The following CD8B2 variants were observed in gnomAD, a reference collection of about 807,000 sequenced individuals.
CD8B2 encodes CD8B family member 2.
CD8B2 carries 11 observed loss-of-function variants against 23.7 expected under a neutral mutation model. The ratio of observed to expected loss-of-function variants is 0.46; its 90% CI spans 0.29 to 0.77. The LOEUF is 0.77. CD8B2 is among the 30% of genes least tolerant of loss of function. The pLI, the probability that CD8B2 is intolerant of heterozygous loss-of-function variation, is 0.09. For synonymous variants in CD8B2, 90 were observed against 109.3 expected (o/e 0.82, Z 1.10); for missense variants, 197 against 270.5 (o/e 0.73, Z 1.91).
downstream of CD8B2, among the ~76,000 whole-genome samples, chr2:106,511,551 C>A (rs1418879793): frequency 1.3e-5 from 2 of 151,138 alleles, no homozygotes; most frequent in African/African-American, 4.9e-5. Context: ...TCCCTTTCAT[C>A]CTTACTCATC....
At chr2:106,492,379 T>G (rs897427695) in intron 2 of CD8B2, among the ~76,000 whole-genome samples, 1 of 150,986 alleles carries the variant, frequency 6.6e-6, no homozygotes, top group Non-Finnish European at 1.5e-5. Flanking sequence ...TAACTCAATT[T>G]ATTAACTATA....
chr2:106,514,980 G>T (rs1350525731), downstream of CD8B2, among the ~76,000 whole-genome samples: 1 of 152,206 alleles, frequency 6.6e-6, no homozygotes, highest in Non-Finnish European at 1.5e-5. Flanking sequence ...TGTGGCCAAG[G>T]GCACACAGGT....
chr2:106,494,039 G>C (rs1416027562), intron 2 of CD8B2, among the ~76,000 whole-genome samples: 1 of 152,294 alleles, frequency 6.6e-6, no homozygotes, highest in South Asian at 2.1e-4. Context: ...CCGCTTTCCA[G>C]AGGAGGCTCA....
intron 5 of CD8B2, among the ~76,000 whole-genome samples, chr2:106,527,730 C>A (rs1325980629): frequency 6.6e-6 from 1 of 152,164 alleles, no homozygotes; most frequent in African/African-American, 2.4e-5. Flanking sequence ...TTGCAGTGAG[C>A]CGATATTGCA....
intron 3 of CD8B2, among the ~76,000 whole-genome samples, chr2:106,496,491 C>T (rs1679303384): frequency 6.6e-6 from 1 of 152,192 alleles, no homozygotes; most frequent in South Asian, 2.1e-4. Flanking sequence ...GAGATCTCCA[C>T]CCACACCCCT....
chr2:106,516,572 T>C (rs1385285179), intron 5 of CD8B2, among the ~76,000 whole-genome samples: 1 of 152,212 alleles, frequency 6.6e-6, no homozygotes. Flanking sequence ...ATGAGAAGTA[T>C]AAATATTGTC....
chr2:106,492,583 C>T (rs550595546), intron 2 of CD8B2, among the ~76,000 whole-genome samples: 5 of 152,326 alleles, frequency 3.3e-5, no homozygotes, highest in Admixed American at 6.5e-5. Context: ...TGGTAACTCT[C>T]ACAGCCTGCC....
At chr2:106,488,498 G>T (rs1469919102) in intron 1 of CD8B2, among the ~76,000 whole-genome samples, 1 of 152,114 alleles carries the variant, frequency 6.6e-6, no homozygotes, top group Non-Finnish European at 1.5e-5. Context: ...TCACAGCCCA[G>T]GCCTTGCTCT....
intron 1 of CD8B2, among the ~76,000 whole-genome samples, chr2:106,489,160 G>A (rs1438960998): frequency 1.5e-5 from 2 of 134,906 alleles, no homozygotes; most frequent in African/African-American, 5.6e-5. Flanking sequence ...GCGCCATCAT[G>A]CCTGGATAAT....
intron 5 of CD8B2, among the ~76,000 whole-genome samples, chr2:106,526,480 C>T (rs996931566): frequency 3.3e-5 from 5 of 152,152 alleles, no homozygotes; most frequent in Non-Finnish European, 7.4e-5. Flanking sequence ...ATAGATTTGC[C>T]TGTCGTAGAC....
At chr2:106,513,941 C>T (rs1032933435), downstream of CD8B2, among the ~76,000 whole-genome samples, 3 of 152,092 alleles carry the variant, frequency 2.0e-5, no homozygotes, top group African/African-American at 7.2e-5. Flanking sequence ...GGGTGGCTTC[C>T]ACAAGACAAG....
intron 1 of CD8B2, 105 bp downstream of exon 1, chr2:106,487,574 G>C (rs1352845452): frequency 1.5e-6 from 1 of 687,652 alleles, no homozygotes; most frequent in East Asian, 3.4e-5. Context: ...GTGCAGCGTC[G>C]AGCCCGCGGT....
chr2:106,507,087 T>C lies in CD8B2; in HGVS notation c.*147T>C. ...CTGCTTTTCACTGCTGCAAGGCCTT[T>C]CTGTGTGTGACGTGCATGGGAGCAA... On this transcript the variant is annotated 3_prime_UTR_variant, in exon 6 of 6. Transcript: ENST00000643224. The C allele has an allele frequency of 6.6e-7, 1 of 1,516,310 alleles. No homozygotes were observed. Among genetic ancestry groups the C allele is most frequent in the South Asian group, 1.4e-5 (1 of 73,590 alleles). The allele number at this position is 1,516,310 out of a possible 1,614,324, so 93.9% of individuals were successfully genotyped here.
At chr2:106,489,501 C>G (rs1249954132) in intron 1 of CD8B2, among the ~76,000 whole-genome samples, 9 of 152,224 alleles carry the variant, frequency 5.9e-5, no homozygotes, top group Middle Eastern at 3.4e-3. Flanking sequence ...CCTCTGCCCC[C>G]CTCTGCCTAC....
chr2:106,498,071 C>T (rs1317252038), intron 3 of CD8B2, among the ~76,000 whole-genome samples: 9 of 152,248 alleles, frequency 5.9e-5, no homozygotes, highest in South Asian at 2.1e-4. Flanking sequence ...AGCTGAATGA[C>T]GGCAAACTCA....
chr2:106,509,307 A>C lies in CD8B2; in HGVS notation c.*2367A>C, dbSNP rs1253767440. On this transcript the variant is annotated 3_prime_UTR_variant, in exon 6 of 6. Coordinates refer to ENST00000643224, the MANE Select transcript of CD8B2 (RefSeq NM_001349727.2). ...TTCCAAGGCTGAGGGGAGGGGTGAA[A>C]GAATTGGGGTCAGCTGGACCAGACT... 3.3e-5 allele frequency: 5 copies of C among 151,970 alleles called. No individual in the cohort carries two copies. The highest frequency in any genetic ancestry group is 2.9e-5 in the Non-Finnish European group (2 of 67,992). 9.4% of individuals were successfully genotyped at this position (151,970 alleles called of 1,614,324 possible).
At chr2:106,524,667 C>T (rs896375426) in intron 5 of CD8B2, among the ~76,000 whole-genome samples, 2 of 152,190 alleles carry the variant, frequency 1.3e-5, no homozygotes, top group Non-Finnish European at 2.9e-5. Flanking sequence ...GCTGCTGCTG[C>T]TTCAGAAGTA....
downstream of CD8B2, among the ~76,000 whole-genome samples, chr2:106,513,740 A>T (rs1289557747): frequency 6.6e-6 from 1 of 152,078 alleles, no homozygotes; most frequent in Non-Finnish European, 1.5e-5. Flanking sequence ...CCTCAGCCTC[A>T]GCCAAGTTTG....
chr2:106,500,278 G>A (rs1256015496), intron 3 of CD8B2, among the ~76,000 whole-genome samples: 1 of 138,130 alleles, frequency 7.2e-6, no homozygotes, highest in Non-Finnish European at 1.6e-5. Flanking sequence ...CAGCACTTTG[G>A]GAGGCCAAGG....
Sources: allele counts gnomAD v4.1 joint callset (sites outside exome capture counted in the v4.1 genomes callset), GRCh38; gene constraint gnomAD v4.1.1; transcripts MANE v1.5; gene names NCBI Gene and HGNC (gene_info 2026-07-23, HGNC 2026-07-21).